Variants in DIAPH2 observed in about 807,000 individuals in gnomAD.
The protein encoded by DIAPH2 is diaphanous related formin 2.
A neutral mutation model predicts 92.7 loss-of-function variants in DIAPH2; 35 were observed. The ratio of observed to expected loss-of-function variants is 0.38; its 90% CI spans 0.29 to 0.50. The LOEUF is 0.50. DIAPH2 is among the 20% of genes least tolerant of loss of function. The probability of loss-of-function intolerance (pLI) is 0.94; values close to 1 mark genes in which losing one functional copy is unlikely to be tolerated. For synonymous variants in DIAPH2, 301 were observed against 280.4 expected (o/e 1.07, Z -0.73); for missense variants, 701 against 819.5 (o/e 0.86, Z 1.77).
At chrX:96,962,420 C>CAT (rs763042811) in intron 16 of DIAPH2, among the ~76,000 whole-genome samples, 21,097 of 60,021 alleles carry the variant, frequency 0.35, 4,278 homozygotes, top group South Asian at 0.52. Flanking sequence ...TATATATACA[C>CAT]ATATATATAC....
chrX:97,426,708 C>T (rs1009367446), intron 25 of DIAPH2, among the ~76,000 whole-genome samples: 2 of 111,582 alleles, frequency 1.8e-5, no homozygotes, highest in Non-Finnish European at 3.8e-5. Context: ...AGCTGATATG[C>T]CCAGTACAGT....
At position 96,918,467 on chromosome X, in the gene DIAPH2, A is replaced by G. The variant is rs759935709; in HGVS notation, c.870-42A>G. ...GGACCGGTGCTCATAGTGTCTGTAT[A>G]AGAAGTATTTCTCATTTCTGTTTCT... On this transcript the variant is annotated intron_variant, in intron 8 of 26. Transcript: ENST00000324765. 13 of 897,405 alleles carry G rather than the reference A, an allele frequency of 1.4e-5. No homozygotes were observed. In the Admixed American group the frequency reaches 2.8e-4, roughly 19 times the overall value. 74.0% of individuals were successfully genotyped at this position (897,405 alleles called of 1,213,427 possible).
At chrX:97,185,339 ATG>A (rs1275024076) in intron 22 of DIAPH2, among the ~76,000 whole-genome samples, 1,227 of 8,072 alleles carry the variant, frequency 0.15, 280 homozygotes, top group African/African-American at 0.28. Context: ...ATATATATAT[ATG>A]TATATATATA....
intron 25 of DIAPH2, among the ~76,000 whole-genome samples, chrX:97,408,405 A>C (rs2069831796): frequency 1.0e-5 from 1 of 96,895 alleles, no homozygotes; most frequent in South Asian, 5.5e-4. Flanking sequence ...AGATTCAATT[A>C]AATGGTAGTA....
At chrX:97,192,652 T>A (rs2067664382) in intron 22 of DIAPH2, among the ~76,000 whole-genome samples, 1 of 111,995 alleles carries the variant, frequency 8.9e-6, no homozygotes, top group Admixed American at 9.5e-5. Context: ...CTTTTACATA[T>A]TTTTTCATGA....
intron 26 of DIAPH2, among the ~76,000 whole-genome samples, chrX:97,540,413 G>A (rs1016067424): frequency 1.8e-5 from 2 of 111,904 alleles, no homozygotes; most frequent in African/African-American, 6.5e-5. Context: ...CTTCGCAGGA[G>A]CTGAGAAAAT....
At position 97,097,909 on chromosome X, in the gene DIAPH2, A is replaced by G. The variant is rs946450904; in HGVS notation, c.2248-1785A>G. Among the ~76,000 whole-genome samples the G allele has an allele frequency of 8.9e-5, 10 of 112,497 alleles. No individual in the cohort carries two copies. The Admixed American group carries it at 9.4e-4, about 11-fold the overall frequency. On this transcript the variant is annotated intron_variant, in intron 19 of 26. Coordinates refer to ENST00000324765, the MANE Select transcript of DIAPH2 (RefSeq NM_006729.5). ...TATTCTATAAAAGAAAATAATACTA[A>G]TGGAGCAAAATAGTGGATTCTCTTG...
chrX:97,186,060 C>T (rs963662694), intron 22 of DIAPH2, among the ~76,000 whole-genome samples: 2 of 110,486 alleles, frequency 1.8e-5, no homozygotes, highest in African/African-American at 6.6e-5. Flanking sequence ...AAATCCCGGA[C>T]CTATATAAAT....
chrX:97,154,743 G>A (rs1186706935), intron 22 of DIAPH2, among the ~76,000 whole-genome samples: 1 of 111,960 alleles, frequency 8.9e-6, no homozygotes, highest in Non-Finnish European at 1.9e-5. Context: ...TTGTTCATTT[G>A]TATCCCTTGG....
At chrX:97,395,640 C>A (rs907676410) in intron 25 of DIAPH2, among the ~76,000 whole-genome samples, 1 of 111,419 alleles carries the variant, frequency 9.0e-6, no homozygotes, top group African/African-American at 3.3e-5. Flanking sequence ...TGACCCCATA[C>A]TAAAATAATT....
At chrX:97,108,765 T>C (rs1187980746) in intron 20 of DIAPH2, among the ~76,000 whole-genome samples, 1 of 112,146 alleles carries the variant, frequency 8.9e-6, no homozygotes, top group Non-Finnish European at 1.9e-5. Flanking sequence ...ATGTATATTA[T>C]GAATTAAAAA....
intron 4 of DIAPH2, among the ~76,000 whole-genome samples, chrX:96,810,615 T>A (rs1489852933): frequency 2.7e-5 from 3 of 111,741 alleles, no homozygotes; most frequent in African/African-American, 9.8e-5. Flanking sequence ...CTGAATGGTA[T>A]TGCCTAGGTT....
At chrX:97,021,755 A>G (rs968276346) in intron 17 of DIAPH2, among the ~76,000 whole-genome samples, 3 of 112,010 alleles carry the variant, frequency 2.7e-5, no homozygotes, top group African/African-American at 9.7e-5. Flanking sequence ...TACATTTGAT[A>G]AAGAAACACG....
intron 22 of DIAPH2, among the ~76,000 whole-genome samples, chrX:97,156,782 C>CT (rs1273076371): frequency 1.6e-3 from 178 of 110,494 alleles, no homozygotes; most frequent in South Asian, 2.7e-3. Flanking sequence ...TTACCTATAT[C>CT]TTTTTTTTTA....
intron 4 of DIAPH2, among the ~76,000 whole-genome samples, chrX:96,842,015 G>A (rs1006324157): frequency 3.6e-5 from 4 of 111,251 alleles, no homozygotes; most frequent in Non-Finnish European, 5.7e-5. Flanking sequence ...ATTTCACAAG[G>A]TAGTGTCACC....
At chrX:97,237,512 G>C (rs973141964) in intron 22 of DIAPH2, among the ~76,000 whole-genome samples, 5 of 111,074 alleles carry the variant, frequency 4.5e-5, no homozygotes, top group Admixed American at 1.9e-4. Context: ...TGAGTTGTAG[G>C]TGGGTGGGGC....
At chrX:96,805,789 G>C (rs780721638) in intron 4 of DIAPH2, among the ~76,000 whole-genome samples, 14 of 111,880 alleles carry the variant, frequency 1.3e-4, no homozygotes, top group African/African-American at 3.6e-4. Flanking sequence ...TCAAATAAGA[G>C]AGAATATGAG....
At chrX:97,515,483 C>T (rs905292876) in intron 26 of DIAPH2, among the ~76,000 whole-genome samples, 5 of 112,140 alleles carry the variant, frequency 4.5e-5, no homozygotes, top group African/African-American at 1.6e-4. Context: ...GCGTCGCTCA[C>T]GCTGGGAGCT....
intron 25 of DIAPH2, among the ~76,000 whole-genome samples, chrX:97,389,239 C>G (rs1342335316): frequency 9.1e-6 from 1 of 109,321 alleles, no homozygotes; most frequent in South Asian, 4.0e-4. Context: ...GTGGCCTAGG[C>G]GGGTGGATCA....
Sources: gnomAD v4.1 joint callset for allele counts (sites outside exome capture counted in the v4.1 genomes callset) on GRCh38, gnomAD v4.1.1 for gene constraint, MANE v1.5 for transcripts, NCBI Gene and HGNC (gene_info 2026-07-23, HGNC 2026-07-21) for gene names.